Variants in HSD17B12 observed in about 807,000 individuals in gnomAD.
HSD17B12 encodes the protein hydroxysteroid 17-beta dehydrogenase 12.
A neutral mutation model predicts 39.3 loss-of-function variants in HSD17B12; 32 were observed. The ratio of observed to expected loss-of-function variants is 0.81; its 90% CI spans 0.61 to 1.09. The LOEUF is 1.09. HSD17B12 is among the 50% of genes least tolerant of loss of function. The pLI, the probability that HSD17B12 is intolerant of heterozygous loss-of-function variation, is 0.00. For synonymous variants in HSD17B12, 150 were observed against 146.7 expected, an observed-to-expected ratio of 1.02 and a Z score of -0.16; for missense variants, 342 against 382.9, an observed-to-expected ratio of 0.89 and a Z score of 0.89.
At chr11:43,635,253 T>A in the HSD17B12 span, among the ~76,000 whole-genome samples, 1 of 152,152 alleles carries the variant, frequency 6.6e-6, no homozygotes, top group African/African-American at 2.4e-5. Context: ...CACACATAAA[T>A]AATAAGGTAA....
intron 1 of HSD17B12, among the ~76,000 whole-genome samples, chr11:43,718,065 G>A (rs891836466): frequency 2.0e-5 from 3 of 151,964 alleles, no homozygotes; most frequent in Non-Finnish European, 4.4e-5. Flanking sequence ...TTGGCCTCCC[G>A]AAGTGTTGGG....
the HSD17B12 span, among the ~76,000 whole-genome samples, chr11:43,609,353 T>A: frequency 5.4e-5 from 8 of 148,322 alleles, no homozygotes; most frequent in African/African-American, 2.0e-4. Flanking sequence ...AAAATATATA[T>A]AATATATAAA....
the HSD17B12 span, among the ~76,000 whole-genome samples, chr11:43,595,927 T>G: frequency 6.6e-6 from 1 of 152,220 alleles, no homozygotes; most frequent in African/African-American, 2.4e-5. Context: ...CAAGTTGGCC[T>G]GAAGAATGAG....
chr11:43,658,924 A>G, the HSD17B12 span, among the ~76,000 whole-genome samples: 1 of 152,246 alleles, frequency 6.6e-6, no homozygotes, highest in African/African-American at 2.4e-5. Context: ...CAAAGCTGTC[A>G]GACAGGGACA....
chr11:43,690,404 ATT>A (rs1206545700), intron 1 of HSD17B12, among the ~76,000 whole-genome samples: 22 of 24,952 alleles, frequency 8.8e-4, no homozygotes, highest in Admixed American at 1.6e-3. Context: ...ATATATATAT[ATT>A]TTTTTTTTTT....
chr11:43,845,388 C>T (rs966389743), intron 9 of HSD17B12, among the ~76,000 whole-genome samples: 1 of 152,200 alleles, frequency 6.6e-6, no homozygotes, highest in Non-Finnish European at 1.5e-5. Context: ...AATTTTTGAT[C>T]TTACAATATT....
chr11:43,818,627 G>A (rs1441507110), intron 6 of HSD17B12, among the ~76,000 whole-genome samples: 11 of 152,080 alleles, frequency 7.2e-5, no homozygotes, highest in Admixed American at 7.2e-4. Context: ...TTAACTCAAT[G>A]TTTAACTTTG....
intron 1 of HSD17B12, among the ~76,000 whole-genome samples, chr11:43,705,758 CCTCTTTTTT>C (rs1565056120): frequency 3.0e-4 from 31 of 104,750 alleles, no homozygotes; most frequent in African/African-American, 1.1e-3. Flanking sequence ...TTTCCTCTCT[CCTCTTTTTT>C]TTTTTTTTTT....
At chr11:43,841,871 A>G (rs1308273033) in intron 9 of HSD17B12, among the ~76,000 whole-genome samples, 1 of 152,182 alleles carries the variant, frequency 6.6e-6, no homozygotes, top group African/African-American at 2.4e-5. Context: ...AAATAATAAT[A>G]GTGAATATTT....
chr11:43,658,124 T>C, the HSD17B12 span, among the ~76,000 whole-genome samples: 2 of 152,222 alleles, frequency 1.3e-5, no homozygotes, highest in Non-Finnish European at 2.9e-5. Flanking sequence ...TAAACTTCTC[T>C]TCACGCTTCA....
chr11:43,598,487 C>T, the HSD17B12 span, among the ~76,000 whole-genome samples: 1 of 152,066 alleles, frequency 6.6e-6, no homozygotes, highest in Non-Finnish European at 1.5e-5. Flanking sequence ...CGAGTATGTG[C>T]CCATAGGAAA....
the HSD17B12 span, among the ~76,000 whole-genome samples, chr11:43,571,682 A>G: frequency 1.1e-3 from 173 of 152,252 alleles, no homozygotes; most frequent in African/African-American, 3.9e-3. Flanking sequence ...GACTGTTGAG[A>G]CTATTTTGAG....
At chr11:43,671,014 T>C in the HSD17B12 span, among the ~76,000 whole-genome samples, 1 of 152,142 alleles carries the variant, frequency 6.6e-6, no homozygotes, top group South Asian at 2.1e-4. Flanking sequence ...TTGGACCTAT[T>C]GCCAAATTAA....
intron 9 of HSD17B12, among the ~76,000 whole-genome samples, chr11:43,845,794 G>A (rs997769884): frequency 7.9e-5 from 12 of 152,086 alleles, no homozygotes; most frequent in Admixed American, 2.6e-4. Context: ...TATTTCCCTT[G>A]CACTAACAAG....
upstream of HSD17B12, among the ~76,000 whole-genome samples, chr11:43,677,191 G>T (rs1949700347): frequency 6.6e-6 from 1 of 152,178 alleles, no homozygotes; most frequent in South Asian, 2.1e-4. Flanking sequence ...GGTTTGGGCA[G>T]CAAGAAATAA....
chr11:43,680,953 G>A lies in HSD17B12; in HGVS notation c.126G>A (p.Glu42=). Residue 42 remains glutamate, a synonymous_variant, in exon 1 of 11, where the codon GAG becomes GAA. Transcript: ENST00000278353. Reference sequence around the variant, plus strand: ...TCCGGGTCTGGGGAGTGGGGAATGAGGCGGGGGTCGGCCCGGGGCTCGGAG... The same window carrying A: ...TCCGGGTCTGGGGAGTGGGGAATGAAGCGGGGGTCGGCCCGGGGCTCGGAG... ...TALRVWGVGN[E]AGVGPGLGEW... 6.2e-7 allele frequency: 1 copy of A among 1,609,246 alleles called. No homozygotes were observed. Among genetic ancestry groups the A allele is most frequent in the Non-Finnish European group, 8.5e-7 (1 of 1,176,740 alleles).
intron 3 of HSD17B12, among the ~76,000 whole-genome samples, chr11:43,764,370 T>C (rs1184856710): frequency 6.6e-6 from 1 of 152,168 alleles, no homozygotes; most frequent in East Asian, 1.9e-4. Flanking sequence ...CCTTGTCTAA[T>C]AATTTTGAGT....
the HSD17B12 span, among the ~76,000 whole-genome samples, chr11:43,590,339 T>G: frequency 1.3e-5 from 2 of 150,402 alleles, no homozygotes; most frequent in Admixed American, 1.3e-4. Context: ...GCAATGACAT[T>G]GCACCTTAAA....
At chr11:43,635,893 C>G in the HSD17B12 span, among the ~76,000 whole-genome samples, 1 of 152,106 alleles carries the variant, frequency 6.6e-6, no homozygotes, top group Non-Finnish European at 1.5e-5. Flanking sequence ...TTGTTTATCA[C>G]AAAATGTGTG....
Sources: gnomAD v4.1 joint callset for allele counts (sites outside exome capture counted in the v4.1 genomes callset) on GRCh38, gnomAD v4.1.1 for gene constraint, MANE v1.5 for transcripts, NCBI Gene and HGNC (gene_info 2026-07-23, HGNC 2026-07-21) for gene names.